The following ETV7 variants were observed in gnomAD, a reference collection of about 807,000 sequenced individuals.
ETV7 encodes the protein transcription factor ETV7.
A neutral mutation model predicts 39.1 loss-of-function variants in ETV7; 43 were observed. The ratio of observed to expected loss-of-function variants is 1.10; its 90% CI spans 0.86 to 1.42. The LOEUF (loss-of-function observed/expected upper bound fraction) is 1.42, where lower values mean the gene tolerates loss of function less well. Among genes scored for constraint, ETV7 ranks in the 40% most tolerant of loss-of-function variants. The pLI is 0.00. For missense variants in ETV7, 432 were observed against 442.3 expected (o/e 0.98, Z 0.21); for synonymous variants, 196 against 176.6 (o/e 1.11, Z -0.87).
chr6:36,370,255 G>A (rs555056032), intron 5 of ETV7, among the ~76,000 whole-genome samples: 32 of 152,254 alleles, frequency 2.1e-4, no homozygotes, highest in African/African-American at 7.5e-4. Flanking sequence ...CCTATCACAG[G>A]CCGGCACGGT....
chr6:36,357,171 A>G (rs1025170416), intron 7 of ETV7, among the ~76,000 whole-genome samples: 3 of 152,216 alleles, frequency 2.0e-5, no homozygotes, highest in African/African-American at 7.2e-5. Context: ...GCTGAATGTC[A>G]GTTGAACAGA....
chr6:36,363,249 T>C (rs142321104), downstream of ETV7, among the ~76,000 whole-genome samples: 391 of 152,288 alleles, frequency 2.6e-3, 2 homozygotes, highest in African/African-American at 7.7e-3. Context: ...TTCTTTCTGA[T>C]GTTCCGACGT....
downstream of ETV7, among the ~76,000 whole-genome samples, chr6:36,363,443 A>G (rs1365593408): frequency 6.6e-6 from 1 of 151,034 alleles, no homozygotes; most frequent in Non-Finnish European, 1.5e-5. Flanking sequence ...TGAGTGTTAC[A>G]GCTCTTAAAG....
intron 4 of ETV7, among the ~76,000 whole-genome samples, chr6:36,371,938 C>G (rs1302598615): frequency 6.6e-6 from 1 of 152,184 alleles, no homozygotes; most frequent in Non-Finnish European, 1.5e-5. Context: ...GAATCTTGAG[C>G]ATATATCGCT....
exon 8 of ETV7, chr6:36,354,445 A>G: frequency 2.2e-6 from 1 of 448,878 alleles, no homozygotes; most frequent in East Asian, 3.5e-5. Context: ...GTGTAAGGTA[A>G]GGGGACAACT....
chr6:36,356,323 C>CAAAAAAAAAAAAAAAA (rs59649348), intron 7 of ETV7, among the ~76,000 whole-genome samples: 29 of 77,648 alleles, frequency 3.7e-4, no homozygotes, highest in Non-Finnish European at 6.1e-4. Context: ...GACCCTGTCT[C>CAAAAAAAAAAAAAAAA]AAAAAAAAAA....
At chr6:36,354,813 T>C (rs1426527686) in intron 7 of ETV7, 1 of 531,486 alleles carries the variant, frequency 1.9e-6, no homozygotes, top group Non-Finnish European at 3.3e-6. Context: ...TATTTAGATT[T>C]GCTTTAATTT....
rs374560483 is a variant in ETV7 at position 36,382,672 on chromosome 6, C to T, written c.142+2862G>A. Among the ~76,000 whole-genome samples the T allele has an allele frequency of 5.9e-5, 9 of 152,332 alleles. No individual in the cohort carries two copies. The South Asian group carries it at 1.7e-3, about 28-fold the overall frequency. On this transcript the variant is annotated intron_variant, in intron 2 of 7. Coordinates refer to ENST00000340181, the MANE Select transcript of ETV7 (RefSeq NM_016135.4). ...GTTCAAGCTTCCCAAAGGCCCATTT[C>T]TCCTGCTTTACACCTCCAGGGAGTC...
intron 2 of ETV7, among the ~76,000 whole-genome samples, chr6:36,381,456 C>T (rs1419994042): frequency 2.0e-5 from 3 of 152,172 alleles, no homozygotes; most frequent in African/African-American, 7.2e-5. Context: ...CATCACAATA[C>T]CTCGTCAAGA....
In ETV7 at chr6:36,366,270, C is replaced by A. The variant is rs150062463; in HGVS notation, c.*375G>T. On this transcript the variant is annotated 3_prime_UTR_variant, in exon 8 of 8. Transcript: ENST00000340181. ...CACTAACACTTTTTCCCATTTCCTG[C>A]CTCAGCCCATTTCACAGGTGAGGAA... The A allele has an allele frequency of 3.2e-3, 3,375 of 1,065,594 alleles. 16 individuals carry two copies. The highest frequency in any genetic ancestry group is 0.022 in the South Asian group (612 of 27,820). The allele number at this position is 1,065,594 out of a possible 1,614,324, so 66.0% of individuals were successfully genotyped here.
At chr6:36,359,877 G>C (rs1036505076) in intron 7 of ETV7, among the ~76,000 whole-genome samples, 2 of 151,856 alleles carry the variant, frequency 1.3e-5, no homozygotes, top group African/African-American at 2.4e-5. Flanking sequence ...AAAGCCAGTA[G>C]AAAACTAAGG....
In ETV7 at chr6:36,387,584, G is replaced by C. The variant is rs1003008001; in HGVS notation, c.-43C>G. 28 of 1,612,702 alleles carry C rather than the reference G, an allele frequency of 1.7e-5. No homozygotes were observed. Among genetic ancestry groups the C allele is most frequent in the Middle Eastern group, 1.7e-4 (1 of 5,750 alleles). On this transcript the variant is annotated 5_prime_UTR_variant, in exon 1 of 8. Coordinates refer to ENST00000340181, the MANE Select transcript of ETV7 (RefSeq NM_016135.4). ...AAGCCACCGGCTTTCTGTCTTGAGC[G>C]CTCCCCTGGCTGTGGCTGCTGGGGC...
chr6:36,354,253 T>C (rs1772283983), exon 8 of ETV7: 1 of 153,054 alleles, frequency 6.5e-6, no homozygotes, highest in African/African-American at 2.4e-5. Context: ...CAAAGGCTTT[T>C]AATTTTGATG....
downstream of ETV7, among the ~76,000 whole-genome samples, chr6:36,364,941 A>G (rs952181590): frequency 6.6e-6 from 1 of 152,204 alleles, no homozygotes; most frequent in South Asian, 2.1e-4. Context: ...GGTGAGTACC[A>G]TCGAGGGTCC....
intron 2 of ETV7, among the ~76,000 whole-genome samples, chr6:36,384,569 A>G (rs1773803801): frequency 6.6e-6 from 1 of 152,154 alleles, no homozygotes; most frequent in Non-Finnish European, 1.5e-5. Context: ...TCACTATTAG[A>G]AAGTGTTTCT....
chr6:36,371,280 A>G, intron 5 of ETV7, 50 bp downstream of exon 5: 1 of 1,494,820 alleles, frequency 6.7e-7, no homozygotes. Flanking sequence ...TGACTCTGAG[A>G]CTCAGACTCA....
At chr6:36,373,954 G>A (rs1391963085) in intron 3 of ETV7, among the ~76,000 whole-genome samples, 2 of 152,204 alleles carry the variant, frequency 1.3e-5, no homozygotes, top group African/African-American at 4.8e-5. Context: ...ACAGTTCTAA[G>A]GCTCATGGGA....
intron 3 of ETV7, among the ~76,000 whole-genome samples, chr6:36,374,902 T>G (rs1362232227): frequency 1.3e-5 from 2 of 152,106 alleles, no homozygotes; most frequent in African/African-American, 4.8e-5. Context: ...AAACTCCATC[T>G]CTACCAAAAA....
At chr6:36,387,305 C>A (rs1561920376) in intron 1 of ETV7, among the ~76,000 whole-genome samples, 1 of 151,878 alleles carries the variant, frequency 6.6e-6, no homozygotes, top group Non-Finnish European at 1.5e-5. Context: ...GTGCGTGATG[C>A]CTTCAGAGCT....
Sources: gnomAD v4.1 joint callset for allele counts (sites outside exome capture counted in the v4.1 genomes callset) on GRCh38, gnomAD v4.1.1 for gene constraint, MANE v1.5 for transcripts, NCBI Gene and HGNC (gene_info 2026-07-23, HGNC 2026-07-21) for gene names.